The following AK5 variants were observed in gnomAD, a reference collection of about 807,000 sequenced individuals.
AK5 encodes the protein adenylate kinase 5, also known as adenylate kinase isoenzyme 5.
AK5 carries 27 observed loss-of-function variants against 69.5 expected under a neutral mutation model. The ratio of observed to expected loss-of-function variants is 0.39; its 90% CI spans 0.29 to 0.54. The LOEUF (loss-of-function observed/expected upper bound fraction) is 0.54. AK5 is among the 20% of genes least tolerant of loss of function. AK5 has a pLI of 0.71. For synonymous variants in AK5, 260 were observed against 244.4 expected, an observed-to-expected ratio of 1.06 and a Z score of -0.60; for missense variants, 531 against 700.4, an observed-to-expected ratio of 0.76 and a Z score of 2.73.
At chr1:77,478,133 TCCCTCAGAATCTC>T (rs1655058495) in intron 8 of AK5, among the ~76,000 whole-genome samples, 1 of 152,248 alleles carries the variant, frequency 6.6e-6, no homozygotes, top group East Asian at 1.9e-4. Context: ...CATCCTGTGC[TCCCTCAGAATCTC>T]AACTACAAGT....
intron 5 of AK5, among the ~76,000 whole-genome samples, chr1:77,327,407 A>C (rs993974668): frequency 2.0e-5 from 3 of 146,884 alleles, no homozygotes; most frequent in Non-Finnish European, 4.5e-5. Flanking sequence ...AAAAAAAAAA[A>C]ACACATACAC....
rs1658093692 is a variant in AK5 at position 77,523,199 on chromosome 1, C to T, written c.1428+1256C>T. Among the ~76,000 whole-genome samples, 4 of 152,210 alleles carry T rather than the reference C, an allele frequency of 2.6e-5. No individual in the cohort carries two copies. The South Asian group carries it at 8.3e-4, about 31-fold the overall frequency. On this transcript the variant is annotated intron_variant, in intron 12 of 13. Coordinates refer to ENST00000354567, the MANE Select transcript of AK5 (RefSeq NM_174858.3). ...GGTCAATTGCTCATCTTCCCCTACACTTCCTACATGAAACCAGAGTCAAAG... is the reference window on the plus strand; with the variant it reads ...GGTCAATTGCTCATCTTCCCCTACATTTCCTACATGAAACCAGAGTCAAAG...
intron 6 of AK5, among the ~76,000 whole-genome samples, chr1:77,341,483 A>C (rs931854498): frequency 3.3e-5 from 5 of 152,190 alleles, no homozygotes; most frequent in Admixed American, 3.3e-4. Context: ...TAGAGAATCT[A>C]ATCAAAGCGA....
Position 77,293,589 on chromosome 1 carries a change from A to G in AK5, c.248-204A>G, listed in dbSNP as rs1292922087. The G allele has an allele frequency of 2.6e-5, 11 of 431,262 alleles. No homozygotes were observed. The East Asian group carries it at 3.5e-4, about 14-fold the overall frequency. 26.7% of individuals were successfully genotyped at this position (431,262 alleles called of 1,614,324 possible). On this transcript the variant is annotated intron_variant, in intron 2 of 13. Coordinates refer to ENST00000354567, the MANE Select transcript of AK5 (RefSeq NM_174858.3). ...TCATACTACCATGGCCAAGTTGAAT[A>G]GAAACTGCACGGCTCTCAAAGCCCA...
chr1:77,358,018 T>TGAGA (rs1553138076), intron 6 of AK5, among the ~76,000 whole-genome samples: 2 of 128,176 alleles, frequency 1.6e-5, no homozygotes, highest in Admixed American at 8.2e-5. Context: ...TGTGTGTGTG[T>TGAGA]GAGAGAGAGA....
chr1:77,559,269 A>T lies in AK5; in HGVS notation c.*599A>T, dbSNP rs998764112. On this transcript the variant is annotated 3_prime_UTR_variant, in exon 14 of 14. Transcript: ENST00000354567. ...TTGACAGAAATTTTAAAATATGAAG[A>T]TGTATAGCTTTCCCAAGATGATGGT... is the stretch of plus-strand genomic sequence containing the variant. 1 of 152,220 alleles carries T rather than the reference A, an allele frequency of 6.6e-6. No homozygotes were observed. The highest frequency in any genetic ancestry group is 6.5e-5 in the Admixed American group (1 of 15,272). The allele number at this position is 152,220 out of a possible 1,614,324, so 9.4% of individuals were successfully genotyped here.
intron 6 of AK5, among the ~76,000 whole-genome samples, chr1:77,354,708 A>T (rs553877047): frequency 2.9e-4 from 44 of 152,312 alleles, no homozygotes; most frequent in Non-Finnish European, 4.6e-4. Context: ...CATGCTTTCC[A>T]CTGTGGCCTA....
intron 3 of AK5, among the ~76,000 whole-genome samples, chr1:77,296,638 G>A (rs925522254): frequency 1.3e-5 from 2 of 152,014 alleles, no homozygotes; most frequent in Non-Finnish European, 2.9e-5. Context: ...ATTCTTCAAG[G>A]AATAAATCAG....
At chr1:77,556,854 A>G (rs146257042) in intron 13 of AK5, among the ~76,000 whole-genome samples, 8 of 152,126 alleles carry the variant, frequency 5.3e-5, no homozygotes, top group Non-Finnish European at 1.2e-4. Context: ...AAATATACAG[A>G]TTAAAGACCC....
intron 7 of AK5, among the ~76,000 whole-genome samples, chr1:77,412,652 C>A (rs993294939): frequency 6.6e-6 from 1 of 152,122 alleles, no homozygotes; most frequent in Non-Finnish European, 1.5e-5. Flanking sequence ...TGATGACTCA[C>A]CCAATAAATA....
chr1:77,337,811 G>A (rs1278208296), intron 5 of AK5, among the ~76,000 whole-genome samples: 1 of 152,146 alleles, frequency 6.6e-6, no homozygotes, highest in African/African-American at 2.4e-5. Flanking sequence ...TTTGCACAAG[G>A]ACAAACAACG....
At chr1:77,444,423 C>CTATATATAGTATAT (rs1652598008) in intron 8 of AK5, among the ~76,000 whole-genome samples, 1 of 26,546 alleles carries the variant, frequency 3.8e-5, no homozygotes, top group African/African-American at 1.5e-4. Context: ...ATAGTATATA[C>CTATATATAGTATAT]ATAGTATAAA....
intron 6 of AK5, among the ~76,000 whole-genome samples, chr1:77,386,393 C>T (rs1396563532): frequency 6.6e-6 from 1 of 152,062 alleles, no homozygotes; most frequent in Admixed American, 6.6e-5. Context: ...GGGGCTAGAG[C>T]TGAGTGTTTA....
intron 6 of AK5, among the ~76,000 whole-genome samples, chr1:77,360,736 G>C (rs1291086635): frequency 6.6e-6 from 1 of 152,132 alleles, no homozygotes; most frequent in Non-Finnish European, 1.5e-5. Context: ...ATTTGAGAGG[G>C]AGAGACTGAC....
chr1:77,358,018 T>TGTGTGTGTGAGAGAGAGAGA (rs762714026), intron 6 of AK5, among the ~76,000 whole-genome samples: 39 of 128,272 alleles, frequency 3.0e-4, no homozygotes, highest in South Asian at 8.6e-4. Flanking sequence ...TGTGTGTGTG[T>TGTGTGTGTGAGAGAGAGAGA]GAGAGAGAGA....
intron 8 of AK5, among the ~76,000 whole-genome samples, chr1:77,423,208 A>G (rs529856307): frequency 1.3e-4 from 18 of 140,362 alleles, no homozygotes; most frequent in African/African-American, 4.1e-4. Flanking sequence ...GCAACAGAGC[A>G]AGACTCCGTC....
intron 6 of AK5, among the ~76,000 whole-genome samples, chr1:77,392,122 T>G (rs1423773800): frequency 1.3e-5 from 2 of 152,216 alleles, no homozygotes; most frequent in Non-Finnish European, 2.9e-5. Context: ...AGATTAACCA[T>G]TGACTGTGAA....
chr1:77,503,061 T>C (rs985316818), intron 10 of AK5, among the ~76,000 whole-genome samples: 2 of 152,232 alleles, frequency 1.3e-5, no homozygotes, highest in Non-Finnish European at 2.9e-5. Flanking sequence ...CGTCAAAACC[T>C]GCTCTGTCAG....
chr1:77,325,054 T>C (rs1395860572), intron 5 of AK5, among the ~76,000 whole-genome samples: 1 of 149,780 alleles, frequency 6.7e-6, no homozygotes, highest in African/African-American at 2.5e-5. Flanking sequence ...CTCACTACAC[T>C]GCAACCTCTG....
Sources: gnomAD v4.1 joint callset for allele counts (sites outside exome capture counted in the v4.1 genomes callset) on GRCh38, gnomAD v4.1.1 for gene constraint, MANE v1.5 for transcripts, NCBI Gene and HGNC (gene_info 2026-07-23, HGNC 2026-07-21) for gene names.